The following DIS3L2 variants were observed in gnomAD, a reference collection of about 807,000 sequenced individuals.
DIS3L2 encodes DIS3 like 3'-5' exoribonuclease 2, also known as DIS3-like exonuclease 2.
A neutral mutation model predicts 97.5 loss-of-function variants in DIS3L2; 34 were observed. The observed-to-expected ratio is 0.35, with a 90% CI of 0.27 to 0.46. The LOEUF is 0.46. Among genes scored for constraint, DIS3L2 ranks in the 20% least tolerant of loss-of-function variants. The probability of loss-of-function intolerance (pLI) is 1.00; values close to 1 mark genes in which losing one functional copy is unlikely to be tolerated. For missense variants in DIS3L2, 1,038 were observed against 1,146.0 expected (o/e 0.91, Z 1.36); for synonymous variants, 435 against 445.2 (o/e 0.98, Z 0.29).
At chr2:231,966,068 CTG>C (rs1272965253) in intron 1 of DIS3L2, among the ~76,000 whole-genome samples, 2 of 152,118 alleles carry the variant, frequency 1.3e-5, no homozygotes, top group Non-Finnish European at 2.9e-5. Flanking sequence ...AAAAGTAAAA[CTG>C]GGCCTGGAAT....
At chr2:232,049,514 C>T (rs546274852) in intron 5 of DIS3L2, among the ~76,000 whole-genome samples, 33 of 152,180 alleles carry the variant, frequency 2.2e-4, no homozygotes, top group Non-Finnish European at 4.4e-4. Flanking sequence ...TTCTGCCTTC[C>T]GACTTCTACC....
At chr2:232,055,411 T>G (rs1266712411) in intron 5 of DIS3L2, among the ~76,000 whole-genome samples, 1 of 152,202 alleles carries the variant, frequency 6.6e-6, no homozygotes, top group African/African-American at 2.4e-5. Flanking sequence ...AATGTTACCC[T>G]TATGTTAGCA....
intron 13 of DIS3L2, among the ~76,000 whole-genome samples, chr2:232,287,387 CG>C (rs1559193731): frequency 4.1e-3 from 54 of 13,064 alleles, no homozygotes; most frequent in Non-Finnish European, 6.0e-3. Context: ...CTTCCCCCCG[CG>C]CCCCCCCCCC....
chr2:232,034,643 A>G (rs942159278), intron 5 of DIS3L2, among the ~76,000 whole-genome samples: 2 of 152,144 alleles, frequency 1.3e-5, no homozygotes, highest in Admixed American at 6.6e-5. Context: ...CTTTAGCTGT[A>G]TCCCAGAGAT....
intron 14 of DIS3L2, among the ~76,000 whole-genome samples, chr2:232,303,863 G>A (rs771847118): frequency 6.6e-6 from 1 of 152,258 alleles, no homozygotes; most frequent in Middle Eastern, 3.4e-3. Context: ...ACATAAAGGG[G>A]CTAATCTCTA....
At chr2:231,969,996 A>G (rs576298152) in intron 1 of DIS3L2, among the ~76,000 whole-genome samples, 1 of 150,786 alleles carries the variant, frequency 6.6e-6, no homozygotes, top group African/African-American at 2.4e-5. Context: ...TCCAGGCTGG[A>G]CTGCAGTGGC....
At chr2:231,990,466 C>T (rs1559520576) in intron 1 of DIS3L2, among the ~76,000 whole-genome samples, 1 of 152,090 alleles carries the variant, frequency 6.6e-6, no homozygotes, top group Non-Finnish European at 1.5e-5. Context: ...TTAGTCGCTT[C>T]AGTGTAATAA....
intron 8 of DIS3L2, among the ~76,000 whole-genome samples, chr2:232,157,465 A>G (rs1574914459): frequency 6.6e-6 from 1 of 152,230 alleles, no homozygotes; most frequent in South Asian, 2.1e-4. Flanking sequence ...AGTGAAATGT[A>G]TGGGCTTTGC....
At position 232,293,268 on chromosome 2, in the gene DIS3L2, G is replaced by A. The variant is rs184794997; in HGVS notation, c.1660-6772G>A. On this transcript the variant is annotated intron_variant, in intron 13 of 20. Transcript: ENST00000325385. This position sits in a 1 kb window ranked among gnomAD's most constrained non-coding sequence, Gnocchi z 4.6. ...TCTGGTGGCAATTACTGAGCAGGAGGCAGACGTGAGGCAGAATTTATTTAC... is the reference window on the plus strand; with the variant it reads ...TCTGGTGGCAATTACTGAGCAGGAGACAGACGTGAGGCAGAATTTATTTAC... Among the ~76,000 whole-genome samples the A allele has an allele frequency of 4.6e-5, 7 of 152,290 alleles. No individual in the cohort carries two copies. The highest frequency in any genetic ancestry group is 1.7e-4 in the African/African-American group (7 of 41,542).
At chr2:232,326,012 G>T (rs1695562845) in intron 14 of DIS3L2, among the ~76,000 whole-genome samples, 1 of 114,172 alleles carries the variant, frequency 8.8e-6, no homozygotes, top group South Asian at 2.4e-4. Context: ...GGATAGCTTG[G>T]GGGCGTTTCG....
At chr2:232,251,696 G>A (rs745868005) in intron 12 of DIS3L2, among the ~76,000 whole-genome samples, 7 of 152,130 alleles carry the variant, frequency 4.6e-5, no homozygotes, top group South Asian at 2.1e-4. Flanking sequence ...AAAGACATAC[G>A]ATAAAATCGG....
chr2:232,077,203 C>G (rs907531208), intron 5 of DIS3L2, among the ~76,000 whole-genome samples: 1 of 151,882 alleles, frequency 6.6e-6, no homozygotes, highest in Non-Finnish European at 1.5e-5. Context: ...TTGCTGTTCT[C>G]TGTCTTCCGG....
intron 1 of DIS3L2, among the ~76,000 whole-genome samples, chr2:231,979,356 G>GAGTTTTCAGTGGATCTCCTAAGC (rs1693186745): frequency 1.3e-5 from 2 of 151,798 alleles, no homozygotes; most frequent in African/African-American, 4.9e-5. Context: ...CTGGGCTCAG[G>GAGTTTTCAGTGGATCTCCTAAGC]TGATCCCCTC....
intron 3 of DIS3L2, among the ~76,000 whole-genome samples, chr2:232,016,899 CCCCTCCCTCCCTCCCTCCCTCTCT>C (rs1189820653): frequency 3.7e-5 from 5 of 133,794 alleles, no homozygotes; most frequent in African/African-American, 8.2e-5. Flanking sequence ...TCCTTTTTGT[CCCCTCCCTCCCTCCCTCCCTCTCT>C]CCCTCCCTCC....
chr2:231,984,683 G>C (rs1191202297), intron 1 of DIS3L2, among the ~76,000 whole-genome samples: 1 of 151,992 alleles, frequency 6.6e-6, no homozygotes, highest in Non-Finnish European at 1.5e-5. Context: ...GTGAGCCACC[G>C]CGCCCAGCCA....
intron 5 of DIS3L2, among the ~76,000 whole-genome samples, chr2:232,064,850 G>A (rs1695809533): frequency 6.6e-6 from 1 of 152,110 alleles, no homozygotes. Flanking sequence ...ATTCTCTGAT[G>A]TGTCTGTGTA....
chr2:232,339,527 C>T (rs934045482), downstream of DIS3L2, among the ~76,000 whole-genome samples: 5 of 152,184 alleles, frequency 3.3e-5, no homozygotes, highest in Non-Finnish European at 4.4e-5. Context: ...TTGTGTGTGG[C>T]CTGAGGACAG....
At chr2:232,081,791 C>CT (rs1190260020) in intron 5 of DIS3L2, among the ~76,000 whole-genome samples, 2 of 151,998 alleles carry the variant, frequency 1.3e-5, no homozygotes, top group African/African-American at 4.8e-5. Flanking sequence ...CACACCTTTA[C>CT]TTTTTTTGTT....
At chr2:232,095,527 T>C (rs1696979980) in intron 6 of DIS3L2, among the ~76,000 whole-genome samples, 1 of 152,176 alleles carries the variant, frequency 6.6e-6, no homozygotes, top group Admixed American at 6.5e-5. Flanking sequence ...TCTTGAATAG[T>C]TGTTGTAGTT....
Sources: gnomAD v4.1 joint callset for allele counts (sites outside exome capture counted in the v4.1 genomes callset) on GRCh38, gnomAD v4.1.1 for gene constraint, Gnocchi (gnomAD v3.1) non-coding constraint, MANE v1.5 for transcripts, NCBI Gene and HGNC (gene_info 2026-07-23, HGNC 2026-07-21) for gene names.